Variants in CARS1 observed in about 807,000 individuals in gnomAD.
CARS1 encodes cysteinyl-tRNA synthetase 1.
Under a neutral mutation model 106.2 loss-of-function variants are expected in CARS1, and 48 were observed. The observed-to-expected ratio is 0.45, with a 90% CI of 0.36 to 0.57. CARS1 has a LOEUF of 0.57. Ranked by LOEUF, CARS1 falls within the 20% of genes least tolerant of loss-of-function variation. CARS1 has a pLI of 0.00. For synonymous variants in CARS1, 409 were observed against 403.4 expected (o/e 1.01, Z -0.17); for missense variants, 968 against 1,057.2 (o/e 0.92, Z 1.17).
intron 16 of CARS1, among the ~76,000 whole-genome samples, chr11:3,016,519 G>A (rs1385217459): frequency 6.6e-6 from 1 of 152,178 alleles, no homozygotes; most frequent in Non-Finnish European, 1.5e-5. Context: ...CACAGCGCCT[G>A]GCGTGGTTTT....
rs970715761 is a variant in CARS1 at position 3,019,556 on chromosome 11, T to C, written c.1267-289A>G. ...TAAAAATACAAAAAAATACAAAAAT[T>C]AGCTGAGCATGGTGACGTATGCCTG... On this transcript the variant is annotated intron_variant, in intron 11 of 22. Transcript: ENST00000380525. The surrounding 1 kb of genome is among the most constrained non-coding windows in gnomAD (Gnocchi z 6.2). 1.6e-4 allele frequency among the ~76,000 whole-genome samples: 24 copies of C among 151,808 alleles called. No homozygotes were observed. Among genetic ancestry groups the C allele is most frequent in the Admixed American group, 6.6e-5 (1 of 15,226 alleles).
At position 3,019,664 on chromosome 11, in the gene CARS1, G is replaced by A. The variant is rs1851387455; in HGVS notation, c.1267-397C>T. ...GCAGAGGTTGCAGTGAGCTGAGATCGCGCCACTGCACTCCAGCCTGGTGAC... is the reference window on the plus strand; with the variant it reads ...GCAGAGGTTGCAGTGAGCTGAGATCACGCCACTGCACTCCAGCCTGGTGAC... On this transcript the variant is annotated intron_variant, in intron 11 of 22. Coordinates refer to ENST00000380525, the MANE Select transcript of CARS1 (RefSeq NM_001014437.3). The surrounding 1 kb of genome is among the most constrained non-coding windows in gnomAD (Gnocchi z 6.2). Among the ~76,000 whole-genome samples the A allele has an allele frequency of 1.3e-5, 2 of 151,204 alleles. No homozygotes were observed. The highest frequency in any genetic ancestry group is 4.9e-5 in the African/African-American group (2 of 41,028).
At position 3,050,675 on chromosome 11, in the gene CARS1, C is replaced by G. The variant is rs1350684137; in HGVS notation, c.26-2674G>C. ...TGGCCATGGGCCCCCACCTGACTCA[C>G]AATACCCTAGTCACATGGCCCCTCC... On this transcript the variant is annotated intron_variant, in intron 1 of 22. Coordinates refer to ENST00000380525, the MANE Select transcript of CARS1 (RefSeq NM_001014437.3). The surrounding 1 kb of genome is among the most constrained non-coding windows in gnomAD (Gnocchi z 6.3). Among the ~76,000 whole-genome samples the G allele has an allele frequency of 6.6e-6, 1 of 152,240 alleles. No homozygotes were observed.
At chr11:3,047,662 G>A (rs977352158) in intron 2 of CARS1, 91 bp downstream of exon 2, 28 of 1,495,488 alleles carry the variant, frequency 1.9e-5, no homozygotes, top group African/African-American at 5.6e-5. Flanking sequence ...TGGGGTATCC[G>A]CAGACGCCAG....
Position 3,044,565 on chromosome 11 carries a change from T to C in CARS1, c.275-2309A>G, listed in dbSNP as rs1854882759. 6.6e-6 allele frequency among the ~76,000 whole-genome samples: 1 copy of C among 152,012 alleles called. No individual in the cohort carries two copies. ...GCACCTGCCACCACGCCCCACCAAT[T>C]TTTGTATCTTTAGTAGGGATGGGGT... is the stretch of plus-strand genomic sequence containing the variant. On this transcript the variant is annotated intron_variant, in intron 2 of 22. Coordinates refer to ENST00000380525, the MANE Select transcript of CARS1 (RefSeq NM_001014437.3). This position sits in a 1 kb window ranked among gnomAD's most constrained non-coding sequence, Gnocchi z 4.4.
rs913448654 is a variant in CARS1 at position 3,046,061 on chromosome 11, G to A, written c.274+1692C>T. On this transcript the variant is annotated intron_variant, in intron 2 of 22. Coordinates refer to ENST00000380525, the MANE Select transcript of CARS1 (RefSeq NM_001014437.3). The surrounding 1 kb of genome is among the most constrained non-coding windows in gnomAD (Gnocchi z 5.8). ...CAAGCAGACCCTGGCAGCCTCTTGCGCAGCCTGGGTGATGAGGGGATTTGG... is the reference window on the plus strand; with the variant it reads ...CAAGCAGACCCTGGCAGCCTCTTGCACAGCCTGGGTGATGAGGGGATTTGG... Among the ~76,000 whole-genome samples the A allele has an allele frequency of 2.0e-5, 3 of 152,180 alleles. No homozygotes were observed. The highest frequency in any genetic ancestry group is 1.9e-4 in the East Asian group (1 of 5,178).
At position 3,038,037 on chromosome 11, in the gene CARS1, T is replaced by C. The variant is rs777953941; in HGVS notation, c.801+13A>G. On this transcript the variant is annotated intron_variant, in intron 7 of 22. Transcript: ENST00000380525. The surrounding 1 kb of genome is among the most constrained non-coding windows in gnomAD (Gnocchi z 4.0). Reference sequence around the variant, plus strand: ...ACCCGAACGGGCTGTCTGGGAGATGTGTGAAGCCTCACCTCCACACAGCTG... The same window carrying C: ...ACCCGAACGGGCTGTCTGGGAGATGCGTGAAGCCTCACCTCCACACAGCTG... The C allele has an allele frequency of 3.7e-6, 6 of 1,608,290 alleles. No individual in the cohort carries two copies. The highest frequency in any genetic ancestry group is 3.3e-4 in the Middle Eastern group (2 of 6,060).
chr11:3,017,321 G>A lies in CARS1; in HGVS notation c.1728-26C>T, dbSNP rs1851129285. ...CTGAGCAACAAAGAGGAAGGAATGT[G>A]AAGTCAGACCTGAAAACACACCATA... On this transcript the variant is annotated intron_variant, in intron 15 of 22. Transcript: ENST00000380525. This position sits in a 1 kb window ranked among gnomAD's most constrained non-coding sequence, Gnocchi z 4.9. 6.2e-7 allele frequency: 1 copy of A among 1,601,798 alleles called. No homozygotes were observed. The highest frequency in any genetic ancestry group is 1.3e-5 in the African/African-American group (1 of 74,856).
intron 17 of CARS1, among the ~76,000 whole-genome samples, chr11:3,015,236 G>A (rs1325333176): frequency 6.6e-6 from 1 of 152,226 alleles, no homozygotes; most frequent in Admixed American, 6.5e-5. Flanking sequence ...CCTGACCTGT[G>A]GGCCACAGCT....
rs998666601 is a variant in CARS1, at chr11:3,034,522, G to A, written c.801+3528C>T. On this transcript the variant is annotated intron_variant, in intron 7 of 22. Transcript: ENST00000380525. This position sits in a 1 kb window ranked among gnomAD's most constrained non-coding sequence, Gnocchi z 6.3. ...AGGCGTGACCCACTGCGCCTGGCCG[G>A]GAATGGGTAAAATTTTTTTTCTTTT... Among the ~76,000 whole-genome samples the A allele has an allele frequency of 2.0e-5, 3 of 151,584 alleles. No homozygotes were observed. The highest frequency in any genetic ancestry group is 2.9e-5 in the Non-Finnish European group (2 of 67,938).
chr11:3,043,287 G>T lies in CARS1; in HGVS notation c.275-1031C>A, dbSNP rs964527841. Among the ~76,000 whole-genome samples, 1 of 152,034 alleles carries T rather than the reference G, an allele frequency of 6.6e-6. No homozygotes were observed. Among genetic ancestry groups the T allele is most frequent in the South Asian group, 2.1e-4 (1 of 4,812 alleles). On this transcript the variant is annotated intron_variant, in intron 2 of 22. Transcript: ENST00000380525. The surrounding 1 kb of genome is among the most constrained non-coding windows in gnomAD (Gnocchi z 4.0). ...CCCTGGGGCCAGGGGCAGCCACAGGGTGATTATTCACCCTCTGAAACGTCA... is the reference window on the plus strand; with the variant it reads ...CCCTGGGGCCAGGGGCAGCCACAGGTTGATTATTCACCCTCTGAAACGTCA...
At chr11:3,014,460 G>A (rs1052095618) in intron 17 of CARS1, among the ~76,000 whole-genome samples, 1 of 152,260 alleles carries the variant, frequency 6.6e-6, no homozygotes, top group Non-Finnish European at 1.5e-5. Context: ...AAATGAGGCT[G>A]CCTGGGGGAT....
intron 2 of CARS1, 50 bp from the exon 3 acceptor site, chr11:3,042,306 T>A (rs1253372642): frequency 7.1e-7 from 1 of 1,405,450 alleles, no homozygotes; most frequent in Non-Finnish European, 9.9e-7. Flanking sequence ...CACCAGGAAG[T>A]GCAAGTCGCC....
Position 3,053,483 on chromosome 11 carries a change from G to A in CARS1, c.25+3860C>T, listed in dbSNP as rs867114992. Among the ~76,000 whole-genome samples the A allele has an allele frequency of 3.3e-5, 5 of 152,008 alleles. No homozygotes were observed. The highest frequency in any genetic ancestry group is 2.9e-5 in the Non-Finnish European group (2 of 67,984). The stretch of plus-strand genomic sequence containing the variant: ...TGACCTCAGGTGATCCACCCACCTC[G>A]GCCTCCCAAAGTGCTGGGATTACAG... On this transcript the variant is annotated intron_variant, in intron 1 of 22. Coordinates refer to ENST00000380525, the MANE Select transcript of CARS1 (RefSeq NM_001014437.3). This position sits in a 1 kb window ranked among gnomAD's most constrained non-coding sequence, Gnocchi z 6.6.
Position 3,017,360 on chromosome 11 carries a change from T to C in CARS1, c.1728-65A>G, listed in dbSNP as rs1851133992. ...AAACACACCATAGAAATTCCCCATGTGGCCAGGCGCAGTGGCTCACGCCTA... is the reference window on the plus strand; with the variant it reads ...AAACACACCATAGAAATTCCCCATGCGGCCAGGCGCAGTGGCTCACGCCTA... On this transcript the variant is annotated intron_variant, in intron 15 of 22. Transcript: ENST00000380525. This position sits in a 1 kb window ranked among gnomAD's most constrained non-coding sequence, Gnocchi z 4.9. 7 of 1,474,260 alleles carry C rather than the reference T, an allele frequency of 4.7e-6. No individual in the cohort carries two copies. The highest frequency in any genetic ancestry group is 6.6e-6 in the Non-Finnish European group (7 of 1,065,198). 91.3% of individuals were successfully genotyped at this position (1,474,260 alleles called of 1,614,324 possible). A position where few individuals can be genotyped will look rare whatever the true frequency, so the allele number is the denominator to read the frequency against.
chr11:3,040,498 C>T lies in CARS1; in HGVS notation c.455+398G>A, dbSNP rs1290332648. 1.1e-5 allele frequency: 5 copies of T among 473,066 alleles called. No homozygotes were observed. Among genetic ancestry groups the T allele is most frequent in the Admixed American group, 4.7e-5 (2 of 42,970 alleles). 29.3% of individuals were successfully genotyped at this position (473,066 alleles called of 1,614,324 possible). On this transcript the variant is annotated intron_variant, in intron 4 of 22. Transcript: ENST00000380525. The surrounding 1 kb of genome is among the most constrained non-coding windows in gnomAD (Gnocchi z 5.8). ...GCTACAGCCATGACCATCCAGTGGT[C>T]GGGGGGCGGTCACAGCCAACCCAGC...
At chr11:3,031,916 G>A (rs1225007261) in intron 7 of CARS1, among the ~76,000 whole-genome samples, 2 of 151,886 alleles carry the variant, frequency 1.3e-5, no homozygotes, top group African/African-American at 4.8e-5. Flanking sequence ...AAATCCCCTT[G>A]TGTTTCCAAT....
At chr11:3,033,553 A>G (rs924210340) in intron 7 of CARS1, among the ~76,000 whole-genome samples, 9 of 152,260 alleles carry the variant, frequency 5.9e-5, no homozygotes, top group African/African-American at 2.2e-4. Context: ...ATTGTTTACA[A>G]GTAAATGATG....
Position 3,028,179 on chromosome 11 carries a change from G to A in CARS1, c.1031+817C>T. 3.2e-6 allele frequency: 1 copy of A among 316,218 alleles called. No individual in the cohort carries two copies. The highest frequency in any genetic ancestry group is 9.2e-5 in the East Asian group (1 of 10,898). The allele number at this position is 316,218 out of a possible 1,614,324, so 19.6% of individuals were successfully genotyped here. On this transcript the variant is annotated intron_variant, in intron 9 of 22. Transcript: ENST00000380525. The surrounding 1 kb of genome is among the most constrained non-coding windows in gnomAD (Gnocchi z 4.4). The stretch of plus-strand genomic sequence containing the variant: ...TGCCTTGGCTGCCAGGCAGGGAAGG[G>A]CCCCCTGTCCAGTGGACACGTGACC...
Sources: allele counts gnomAD v4.1 joint callset (sites outside exome capture counted in the v4.1 genomes callset), GRCh38; gene constraint gnomAD v4.1.1; non-coding constraint Gnocchi (gnomAD v3.1); transcripts MANE v1.5; gene names NCBI Gene and HGNC (gene_info 2026-07-23, HGNC 2026-07-21).